CNBD1: variants seen among roughly 807,000 people sequenced by gnomAD.
CNBD1 encodes the protein cyclic nucleotide binding domain containing 1, also known as cyclic nucleotide-binding domain-containing protein 1.
CNBD1 carries 71 observed loss-of-function variants against 54.4 expected under a neutral mutation model. That is an observed-to-expected ratio of 1.30 (90% confidence interval 1.08 to 1.59). The LOEUF is 1.59. CNBD1 is among the 40% of genes most tolerant of loss of function. The probability of loss-of-function intolerance (pLI) is 0.00; values close to 1 mark genes in which losing one functional copy is unlikely to be tolerated. For missense variants in CNBD1, 659 were observed against 518.0 expected (o/e 1.27, Z -2.64); for synonymous variants, 182 against 170.7 (o/e 1.07, Z -0.51).
intron 4 of CNBD1, among the ~76,000 whole-genome samples, chr8:87,189,242 G>T (rs552067613): frequency 1.3e-5 from 2 of 152,242 alleles, no homozygotes; most frequent in African/African-American, 4.8e-5. Context: ...TAACCACTCA[G>T]ATCTTATGAA....
chr8:86,945,994 A>G (rs1811097153), intron 4 of CNBD1, among the ~76,000 whole-genome samples: 1 of 152,144 alleles, frequency 6.6e-6, no homozygotes, highest in Admixed American at 6.5e-5. Flanking sequence ...TAGTTGTATG[A>G]TCTTGGGCAA....
chr8:86,978,287 G>A lies in CNBD1; in HGVS notation c.431+38533G>A, dbSNP rs77138133. On this transcript the variant is annotated intron_variant, in intron 4 of 10. Coordinates refer to ENST00000518476, the MANE Select transcript of CNBD1 (RefSeq NM_173538.3). ...TTTCTATGTTGACTTTTATGTGTCA[G>A]TGTGGGTGAGCTTTCCATTGAGAAA... Among the ~76,000 whole-genome samples, 363 of 152,246 alleles carry A rather than the reference G, an allele frequency of 2.4e-3. 2 individuals are homozygous for A. Among genetic ancestry groups the A allele is most frequent in the African/African-American group, 8.5e-3 (353 of 41,570 alleles).
chr8:87,025,256 G>T (rs1253964158), intron 4 of CNBD1, among the ~76,000 whole-genome samples: 2 of 152,066 alleles, frequency 1.3e-5, no homozygotes, highest in Non-Finnish European at 2.9e-5. Context: ...GATGTGGGTG[G>T]GGCCAAATAA....
At chr8:86,951,788 C>A (rs1352751956) in intron 4 of CNBD1, among the ~76,000 whole-genome samples, 3 of 151,366 alleles carry the variant, frequency 2.0e-5, no homozygotes, top group Admixed American at 2.0e-4. Context: ...TATTTATTCA[C>A]GTTGCTGTTG....
chr8:87,222,362 A>G (rs1405440229), intron 5 of CNBD1, among the ~76,000 whole-genome samples: 3 of 152,154 alleles, frequency 2.0e-5, no homozygotes, highest in African/African-American at 7.2e-5. Context: ...TGAGCTGGAG[A>G]TACAGAGAGC....
At chr8:87,178,489 G>A (rs147270547) in intron 4 of CNBD1, among the ~76,000 whole-genome samples, 49 of 152,328 alleles carry the variant, frequency 3.2e-4, no homozygotes, top group African/African-American at 1.1e-3. Flanking sequence ...AGGCCAACAT[G>A]ATGACTAAAT....
chr8:87,048,980 G>T (rs1226360306), intron 4 of CNBD1, among the ~76,000 whole-genome samples: 3 of 152,208 alleles, frequency 2.0e-5, no homozygotes, highest in Non-Finnish European at 2.9e-5. Context: ...CTGACTAGAG[G>T]CTGGCAAGTG....
chr8:87,024,248 G>GA (rs747783329), intron 4 of CNBD1, among the ~76,000 whole-genome samples: 95 of 115,818 alleles, frequency 8.2e-4, no homozygotes, highest in Middle Eastern at 4.7e-3. Flanking sequence ...CAAAAAAAAA[G>GA]AAAAAAAAAA....
In CNBD1 at chr8:87,182,864, ATTTC is replaced by A. The variant is rs1813387091; in HGVS notation, c.432-23117_432-23114del. 2.6e-5 allele frequency among the ~76,000 whole-genome samples: 4 copies of A among 151,418 alleles called. 1 individual carries two copies. Among genetic ancestry groups the A allele is most frequent in the South Asian group, 4.2e-4 (2 of 4,790 alleles). On this transcript the variant is annotated intron_variant, in intron 4 of 10. Coordinates refer to ENST00000518476, the MANE Select transcript of CNBD1 (RefSeq NM_173538.3). The surrounding 1 kb of genome is among the most constrained non-coding windows in gnomAD (Gnocchi z 4.1). ...AGGTTTTCTGCCTATTCAGCTGATA[ATTTC>A]TTTCTTTCTTTGTCCTGTGCAGAAC...
At chr8:86,970,569 A>G (rs1808196739) in intron 4 of CNBD1, among the ~76,000 whole-genome samples, 1 of 152,124 alleles carries the variant, frequency 6.6e-6, no homozygotes, top group African/African-American at 2.4e-5. Flanking sequence ...TTTACTAAGC[A>G]TAGTAATCAA....
At chr8:87,013,957 A>C (rs1327497461) in intron 4 of CNBD1, among the ~76,000 whole-genome samples, 1 of 151,790 alleles carries the variant, frequency 6.6e-6, no homozygotes, top group Non-Finnish European at 1.5e-5. Flanking sequence ...TATTATCAAA[A>C]ATATAAAAGT....
chr8:87,294,469 C>G (rs867697234), intron 8 of CNBD1, among the ~76,000 whole-genome samples: 7 of 152,226 alleles, frequency 4.6e-5, no homozygotes, highest in Non-Finnish European at 5.9e-5. Flanking sequence ...CTCTCACCCA[C>G]CACCTGCAGC....
At chr8:87,357,287 T>C (rs915476166) in intron 10 of CNBD1, among the ~76,000 whole-genome samples, 1 of 151,128 alleles carries the variant, frequency 6.6e-6, no homozygotes. Context: ...CCTCCAGACC[T>C]GAGAATGGTA....
At chr8:86,935,494 A>G (rs1004713548) in intron 3 of CNBD1, among the ~76,000 whole-genome samples, 1 of 152,150 alleles carries the variant, frequency 6.6e-6, no homozygotes. Flanking sequence ...TAGTTTTGTA[A>G]GTATTTGTTC....
intron 8 of CNBD1, among the ~76,000 whole-genome samples, chr8:87,327,791 C>G (rs575224198): frequency 6.6e-6 from 1 of 152,270 alleles, no homozygotes; most frequent in Non-Finnish European, 1.5e-5. Context: ...GAGCTGTAGA[C>G]CGGAGCTGTT....
chr8:87,301,226 A>G (rs552503718), intron 8 of CNBD1, among the ~76,000 whole-genome samples: 1 of 152,256 alleles, frequency 6.6e-6, no homozygotes, highest in South Asian at 2.1e-4. Context: ...CCAACAAAAA[A>G]AGTCCAGGAC....
intron 4 of CNBD1, among the ~76,000 whole-genome samples, chr8:87,204,232 T>C (rs80284015): frequency 0.015 from 2,323 of 152,290 alleles, 73 homozygotes; most frequent in African/African-American, 0.053. Context: ...TTTCAGTATC[T>C]TCTATGAGGC....
At chr8:87,261,419 T>A (rs562134562) in intron 6 of CNBD1, among the ~76,000 whole-genome samples, 3 of 151,142 alleles carry the variant, frequency 2.0e-5, no homozygotes, top group African/African-American at 7.3e-5. Flanking sequence ...TTAAATTTAA[T>A]GGAGTTTAAT....
rs1357141321 is a variant in CNBD1, at chr8:86,925,500, T to A, written c.273-14096T>A. ...ACCAAAAAGTGTGTGTGTGTGTGTG[T>A]GTGTGTGTGTGTGTGTGTGTGTGTG... On this transcript the variant is annotated intron_variant, in intron 3 of 10. Transcript: ENST00000518476. 5.9e-5 allele frequency among the ~76,000 whole-genome samples: 8 copies of A among 134,894 alleles called. No individual in the cohort carries two copies. In the South Asian group the frequency reaches 1.0e-3, roughly 17 times the overall value. 88.5% of individuals were successfully genotyped at this position (134,894 alleles called of 152,430 possible). A position where few individuals can be genotyped will look rare whatever the true frequency, so the allele number is the denominator to read the frequency against.
Sources: gnomAD v4.1 joint callset for allele counts (sites outside exome capture counted in the v4.1 genomes callset) on GRCh38, gnomAD v4.1.1 for gene constraint, Gnocchi (gnomAD v3.1) non-coding constraint, MANE v1.5 for transcripts, NCBI Gene and HGNC (gene_info 2026-07-23, HGNC 2026-07-21) for gene names.